The following TRIP12 variants were observed in gnomAD, a reference collection of about 807,000 sequenced individuals.
TRIP12 encodes E3 ubiquitin-protein ligase TRIP12.
TRIP12 carries 25 observed loss-of-function variants against 244.2 expected under a neutral mutation model. The ratio of observed to expected loss-of-function variants is 0.10; its 90% confidence interval spans 0.07 to 0.14. The LOEUF is 0.14. Among genes scored for constraint, TRIP12 ranks in the 10% least tolerant of loss-of-function variants. TRIP12 has a pLI of 1.00. For missense variants in TRIP12, 1,677 were observed against 2,486.4 expected, an observed-to-expected ratio of 0.67 and a Z score of 6.92; for synonymous variants, 905 against 873.1, an observed-to-expected ratio of 1.04 and a Z score of -0.64.
intron 20 of TRIP12, among the ~76,000 whole-genome samples, chr2:229,803,303 T>C (rs2044943084): frequency 6.6e-6 from 1 of 152,162 alleles, no homozygotes; most frequent in African/African-American, 2.4e-5. Context: ...TCTTAAAGAC[T>C]GGGTTTCACC....
At position 229,792,983 on chromosome 2, in the gene TRIP12, A is replaced by C. The variant is rs993830611; in HGVS notation, c.4131T>G (p.Leu1377=). The C allele has an allele frequency of 1.2e-6, 2 of 1,612,040 alleles. No individual in the cohort carries two copies. The highest frequency in any genetic ancestry group is 1.7e-5 in the Admixed American group (1 of 59,454). Reference sequence around the variant, plus strand: ...ATATATGGAAAGTACCTCTAACTACAAGGTATCTCTCGATGGCTTGTACCA... The same window carrying C: ...ATATATGGAAAGTACCTCTAACTACCAGGTATCTCTCGATGGCTTGTACCA... The part of the protein sequence containing the change: ...LALVQAIERY[L]VVRGYGRVRE... The change falls in exon 27 of 42, where the codon CTT becomes CTG. Residue 1377 remains leucine (L), a synonymous_variant. Coordinates refer to ENST00000675903, the MANE Select transcript of TRIP12 (RefSeq NM_001348323.3).
In TRIP12 at chr2:229,836,979, C is replaced by T. The variant is rs982672208; in HGVS notation, c.1139G>A (p.Arg380Gln). The T allele has an allele frequency of 1.1e-5, 17 of 1,550,626 alleles. No individual in the cohort carries two copies. Among genetic ancestry groups the T allele is most frequent in the African/African-American group, 1.4e-5 (1 of 71,018 alleles). The change falls in exon 6 of 42, where the codon CGA (arginine) becomes CAA (glutamine). Residue 380 changes from arginine (R) to glutamine (Q), a missense_variant. This residue lies in a region of TRIP12 where 143 missense variants were observed against 215.6 expected (regional missense o/e 0.66). Coordinates refer to ENST00000675903, the MANE Select transcript of TRIP12 (RefSeq NM_001348323.3). Reference protein sequence around the residue: ...TTGSCASTSRRGSGLGKRGAA... With the variant: ...TTGSCASTSRQGSGLGKRGAA... ...TCCTCTTTTGCCCAGGCCAGAGCCT[C>T]GCCGACTACAACAGAAAAATGTCAT...
At position 229,785,682 on chromosome 2, in the gene TRIP12, T is replaced by C. The variant is rs376407725; in HGVS notation, c.5094+75A>G. On this transcript the variant is annotated intron_variant, in intron 34 of 41. Coordinates refer to ENST00000675903, the MANE Select transcript of TRIP12 (RefSeq NM_001348323.3). ...CCAACTGTCTTTCAGAATTTCATAG[T>C]ACCAAGAAACTCAAATAACATTTAA... 20 of 1,370,232 alleles carry C rather than the reference T, an allele frequency of 1.5e-5. No individual in the cohort carries two copies. The South Asian group carries it at 1.6e-4, about 11-fold the overall frequency. The allele number at this position is 1,370,232 out of a possible 1,614,324, so 84.9% of individuals were successfully genotyped here.
At chr2:229,835,631 T>C (rs2054605274) in intron 6 of TRIP12, among the ~76,000 whole-genome samples, 1 of 152,182 alleles carries the variant, frequency 6.6e-6, no homozygotes, top group South Asian at 2.1e-4. Context: ...TAAATAAGAA[T>C]ATATGTAAAG....
At chr2:229,862,803 T>C (rs573852108) in intron 2 of TRIP12, among the ~76,000 whole-genome samples, 7 of 152,366 alleles carry the variant, frequency 4.6e-5, no homozygotes, top group Admixed American at 3.9e-4. Flanking sequence ...TACTCCTGTG[T>C]TATTTCTCAT....
intron 38 of TRIP12, among the ~76,000 whole-genome samples, chr2:229,773,052 T>C (rs2035009825): frequency 2.6e-5 from 4 of 151,910 alleles, no homozygotes; most frequent in Non-Finnish European, 5.9e-5. Context: ...GCAAATATAG[T>C]CAAGCATCAC....
At chr2:229,789,872 G>A (rs1430234514) in intron 30 of TRIP12, 110 bp from the exon 31 acceptor site, 9 of 1,180,896 alleles carry the variant, frequency 7.6e-6, no homozygotes, top group Non-Finnish European at 1.1e-5. Context: ...TATAGTCAAC[G>A]CTTGGAATCT....
At chr2:229,874,582 T>C (rs2063263278) in intron 2 of TRIP12, among the ~76,000 whole-genome samples, 1 of 152,138 alleles carries the variant, frequency 6.6e-6, no homozygotes, top group Admixed American at 6.5e-5. Context: ...CATGGAAGAA[T>C]GTTACAGAAT....
At chr2:229,790,527 A>AGGGAGCAGG (rs1448946168) in intron 30 of TRIP12, among the ~76,000 whole-genome samples, 1 of 94,212 alleles carries the variant, frequency 1.1e-5, no homozygotes, top group African/African-American at 4.1e-5. Context: ...GGCAGGGGGC[A>AGGGAGCAGG]GGGAGCAGGG....
chr2:229,915,210 G>A (rs1011232077), intron 1 of TRIP12, among the ~76,000 whole-genome samples: 11 of 151,922 alleles, frequency 7.2e-5, no homozygotes, highest in African/African-American at 2.2e-4. Flanking sequence ...CCAAGATTGC[G>A]CCACTGCACT....
Position 229,886,145 on chromosome 2 carries a change from A to G in TRIP12, c.-49-6017T>C, listed in dbSNP as rs141366930. Among the ~76,000 whole-genome samples, 539 of 152,316 alleles carry G rather than the reference A, an allele frequency of 3.5e-3. 5 individuals carry two copies. The highest frequency in any genetic ancestry group is 0.012 in the African/African-American group (503 of 41,580). On this transcript the variant is annotated intron_variant, in intron 1 of 41. Coordinates refer to ENST00000675903, the MANE Select transcript of TRIP12 (RefSeq NM_001348323.3). ...CTTTGATTTAGGAAGGAAGCAATAC[A>G]AAATCAGCAGTTTTGTATGGTATAT...
intron 2 of TRIP12, among the ~76,000 whole-genome samples, chr2:229,874,648 T>A (rs2063275271): frequency 6.6e-6 from 1 of 152,150 alleles, no homozygotes; most frequent in African/African-American, 2.4e-5. Context: ...GTTGCAAGTA[T>A]ACATATATTG....
intron 34 of TRIP12, among the ~76,000 whole-genome samples, chr2:229,785,075 T>G (rs537711214): frequency 1.4e-4 from 22 of 152,160 alleles, no homozygotes; most frequent in Non-Finnish European, 2.8e-4. Flanking sequence ...ACCCATATAA[T>G]GGAATACTCA....
At chr2:229,834,138 T>C (rs1376010492) in intron 6 of TRIP12, among the ~76,000 whole-genome samples, 2 of 152,252 alleles carry the variant, frequency 1.3e-5, no homozygotes, top group Non-Finnish European at 2.9e-5. Flanking sequence ...ATCTTCACAG[T>C]ACTGTGTAAG....
chr2:229,808,411 G>A, intron 15 of TRIP12, 42 bp from the exon 16 acceptor site: 1 of 1,320,620 alleles, frequency 7.6e-7, no homozygotes, highest in South Asian at 1.2e-5. Context: ...TATTAAACTA[G>A]TTATACTACC....
At chr2:229,867,163 G>T (rs942328455) in intron 2 of TRIP12, among the ~76,000 whole-genome samples, 23 of 47,470 alleles carry the variant, frequency 4.8e-4, no homozygotes, top group East Asian at 2.2e-3. Flanking sequence ...TTTTTTGTTT[G>T]TTTGTTTGTT....
At chr2:229,851,236 C>G (rs1409533946) in intron 4 of TRIP12, among the ~76,000 whole-genome samples, 2 of 152,154 alleles carry the variant, frequency 1.3e-5, no homozygotes, top group African/African-American at 4.8e-5. Context: ...TGTAAATCGG[C>G]ACTCTGTATC....
chr2:229,847,193 A>G (rs1313740626), intron 4 of TRIP12, among the ~76,000 whole-genome samples: 1 of 152,232 alleles, frequency 6.6e-6, no homozygotes, highest in East Asian at 1.9e-4. Context: ...CGAATGATGT[A>G]ATTTATAGTT....
At chr2:229,864,766 C>T (rs1451299567) in intron 2 of TRIP12, among the ~76,000 whole-genome samples, 1 of 152,158 alleles carries the variant, frequency 6.6e-6, no homozygotes, top group African/African-American at 2.4e-5. Context: ...GAAACCAACA[C>T]TGCAACAGAA....
Sources: allele counts gnomAD v4.1 joint callset (sites outside exome capture counted in the v4.1 genomes callset), GRCh38; gene constraint gnomAD v4.1.1; regional missense constraint gnomAD v4.1.1; transcripts MANE v1.5; gene names NCBI Gene and HGNC (gene_info 2026-07-23, HGNC 2026-07-21).